Variants in HMCN1 observed in about 807,000 individuals in gnomAD.
The protein encoded by HMCN1 is hemicentin-1.
Under a neutral mutation model 625.9 loss-of-function variants are expected in HMCN1, and 321 were observed. The ratio of observed to expected loss-of-function variants is 0.51; its 90% CI spans 0.47 to 0.56. The LOEUF (loss-of-function observed/expected upper bound fraction) is 0.56. Ranked by LOEUF, HMCN1 falls within the 20% of genes least tolerant of loss-of-function variation. The probability of loss-of-function intolerance (pLI) is 0.00; values close to 1 mark genes in which losing one functional copy is unlikely to be tolerated. For synonymous variants in HMCN1, 2,425 were observed against 2,417.6 expected (o/e 1.00, Z -0.09); for missense variants, 6,588 against 6,887.3 (o/e 0.96, Z 1.54).
At chr1:185,932,890 C>T (rs1667624614) in intron 10 of HMCN1, among the ~76,000 whole-genome samples, 1 of 152,140 alleles carries the variant, frequency 6.6e-6, no homozygotes. Context: ...TGATTCTCTG[C>T]AGAAATGTTG....
At chr1:185,854,893 C>G (rs967644765) in intron 2 of HMCN1, among the ~76,000 whole-genome samples, 1 of 152,132 alleles carries the variant, frequency 6.6e-6, no homozygotes, top group Admixed American at 6.6e-5. Flanking sequence ...ATAATCACAG[C>G]ATTCCAATCT....
intron 25 of HMCN1, among the ~76,000 whole-genome samples, chr1:185,999,835 A>G (rs1653054670): frequency 6.6e-6 from 1 of 152,100 alleles, no homozygotes; most frequent in Non-Finnish European, 1.5e-5. Flanking sequence ...AAACTTTACC[A>G]TAGGTCTCTT....
chr1:186,165,079 G>A, intron 97 of HMCN1, 32 bp from the exon 98 acceptor site: 2 of 1,599,420 alleles, frequency 1.3e-6, no homozygotes, highest in African/African-American at 1.3e-5. Context: ...ATTCCAATAA[G>A]CCAGTTAACT....
At position 185,922,635 on chromosome 1, in the gene HMCN1, T is replaced by C. The variant is rs114181953; in HGVS notation, c.1021+136T>C. 1.1e-3 allele frequency: 844 copies of C among 790,568 alleles called. 4 individuals carry two copies. The African/African-American group carries it at 0.013, about 12-fold the overall frequency. 49.0% of individuals were successfully genotyped at this position (790,568 alleles called of 1,614,324 possible). ...ATAGCTTTAAATGTGACTGTTCTCTTGGCCTAATCACTTTCTCAAAGTGTA... is the reference window on the plus strand; with the variant it reads ...ATAGCTTTAAATGTGACTGTTCTCTCGGCCTAATCACTTTCTCAAAGTGTA... On this transcript the variant is annotated intron_variant, in intron 7 of 106. Transcript: ENST00000271588.
chr1:186,018,123 C>T (rs934786642), intron 33 of HMCN1, 60 bp from the exon 34 acceptor site: 1 of 1,354,432 alleles, frequency 7.4e-7, no homozygotes, highest in African/African-American at 1.4e-5. Flanking sequence ...CTTTATATAT[C>T]TTCTAGGATA....
chr1:186,016,041 G>A lies in HMCN1; in HGVS notation c.4993G>A (p.Ala1665Thr), dbSNP rs148365191. 3 of 1,613,378 alleles carry A rather than the reference G, an allele frequency of 1.9e-6. No individual in the cohort carries two copies. The South Asian group carries it at 3.3e-5, about 18-fold the overall frequency. ...IAHSLTLECK[A>T]AGNPSPILTW... ...TCATTCTCTGACACTGGAGTGCAAA[G>A]CTGCTGGAAACCCTTCTCCCATTCT... Residue 1665 changes from alanine (A) to threonine (T), a missense_variant, in exon 32 of 107, where the codon GCT (alanine) becomes ACT (threonine). By Grantham distance (58) the Ala-to-Thr change is moderately conservative. Coordinates refer to ENST00000271588, the MANE Select transcript of HMCN1 (RefSeq NM_031935.3).
intron 4 of HMCN1, among the ~76,000 whole-genome samples, chr1:185,892,856 G>C (rs1335766736): frequency 6.6e-6 from 1 of 152,208 alleles, no homozygotes; most frequent in East Asian, 1.9e-4. Context: ...GAGCTTCCAG[G>C]CTGCTTTGTT....
At chr1:185,995,964 A>G (rs1248727439) in intron 24 of HMCN1, among the ~76,000 whole-genome samples, 1 of 152,296 alleles carries the variant, frequency 6.6e-6, no homozygotes, top group East Asian at 1.9e-4. Context: ...TACTGTTCTA[A>G]GTATTAGTAC....
chr1:186,109,211 G>C (rs538176118), intron 71 of HMCN1, among the ~76,000 whole-genome samples: 4 of 152,038 alleles, frequency 2.6e-5, no homozygotes, highest in Non-Finnish European at 5.9e-5. Flanking sequence ...TTTCTTCTTC[G>C]TTCTTCCTCA....
intron 82 of HMCN1, among the ~76,000 whole-genome samples, chr1:186,127,238 A>C (rs575246290): frequency 9.2e-5 from 14 of 152,210 alleles, no homozygotes; most frequent in Admixed American, 3.3e-4. Context: ...TATCTTAGGC[A>C]TCAGAGCAAA....
intron 4 of HMCN1, among the ~76,000 whole-genome samples, chr1:185,886,098 G>A (rs1455469380): frequency 1.3e-5 from 2 of 152,042 alleles, no homozygotes; most frequent in East Asian, 3.8e-4. Flanking sequence ...GAAGACTACA[G>A]ATTTTGTACC....
Position 186,178,405 on chromosome 1 carries a change from C to T in HMCN1, c.15944-11C>T. ...TTTTTTTTTCTTTTTTATATCATGG[C>T]ATACGAGCAGACATTAATGAATGTG... On this transcript the variant is annotated splice_polypyrimidine_tract_variant and intron_variant, in intron 103 of 106. Transcript: ENST00000271588. 6.3e-7 allele frequency: 1 copy of T among 1,588,774 alleles called. No individual in the cohort carries two copies.
intron 103 of HMCN1, among the ~76,000 whole-genome samples, chr1:186,175,391 T>C (rs1571465285): frequency 6.6e-6 from 1 of 152,216 alleles, no homozygotes; most frequent in Admixed American, 6.5e-5. Context: ...GTCCACTTAA[T>C]GATTATTTAT....
intron 1 of HMCN1, among the ~76,000 whole-genome samples, chr1:185,770,833 TGCAGG>T (rs1453761421): frequency 3.9e-5 from 6 of 152,334 alleles, no homozygotes; most frequent in African/African-American, 1.4e-4. Context: ...GACATTTAAG[TGCAGG>T]GCCTTATTAA....
At chr1:185,824,793 T>G (rs1660408166) in intron 1 of HMCN1, among the ~76,000 whole-genome samples, 1 of 152,172 alleles carries the variant, frequency 6.6e-6, no homozygotes, top group African/African-American at 2.4e-5. Context: ...AGAACTGGTA[T>G]TCATGATTGT....
chr1:185,776,063 G>T (rs936447487), intron 1 of HMCN1, among the ~76,000 whole-genome samples: 2 of 152,128 alleles, frequency 1.3e-5, no homozygotes, highest in South Asian at 2.1e-4. Flanking sequence ...CCAAATCATG[G>T]CTCAGAGCAT....
At chr1:186,008,917 T>C (rs1008697210) in intron 30 of HMCN1, among the ~76,000 whole-genome samples, 5 of 152,162 alleles carry the variant, frequency 3.3e-5, no homozygotes, top group African/African-American at 7.2e-5. Context: ...AAAGTTCAAA[T>C]AGCTTTCTTG....
intron 11 of HMCN1, among the ~76,000 whole-genome samples, chr1:185,937,977 C>T (rs1167776377): frequency 1.3e-5 from 2 of 149,832 alleles, no homozygotes; most frequent in Non-Finnish European, 3.0e-5. Context: ...TTTAAAAATG[C>T]AATATTTTAG....
chr1:185,842,373 G>A (rs1352151968), intron 1 of HMCN1, among the ~76,000 whole-genome samples: 1 of 152,068 alleles, frequency 6.6e-6, no homozygotes, highest in Non-Finnish European at 1.5e-5. Flanking sequence ...GCCAGCCTGG[G>A]CAACATAGTG....
Sources: gnomAD v4.1 joint callset for allele counts (sites outside exome capture counted in the v4.1 genomes callset) on GRCh38, gnomAD v4.1.1 for gene constraint, MANE v1.5 for transcripts, NCBI Gene and HGNC (gene_info 2026-07-23, HGNC 2026-07-21) for gene names.